DYRK1B: variants seen among roughly 807,000 people sequenced by gnomAD.
DYRK1B encodes the protein dual specificity tyrosine phosphorylation regulated kinase 1B, also known as dual specificity tyrosine-phosphorylation-regulated kinase 1B.
In DYRK1B, 20 loss-of-function variants were observed where a neutral mutation model predicts 57.1. That is an observed-to-expected ratio of 0.35 (90% confidence interval 0.25 to 0.51). The LOEUF (loss-of-function observed/expected upper bound fraction) is 0.51. Among genes scored for constraint, DYRK1B ranks in the 20% least tolerant of loss-of-function variants. The probability of loss-of-function intolerance (pLI) is 0.96; values close to 1 mark genes in which losing one functional copy is unlikely to be tolerated. For missense variants in DYRK1B, 732 were observed against 886.3 expected (o/e 0.83, Z 2.21); for synonymous variants, 409 against 384.7 (o/e 1.06, Z -0.74).
chr19:39,826,903 G>A lies in DYRK1B; in HGVS notation c.1180C>T (p.Pro394Ser). 2 of 1,405,378 alleles carry A rather than the reference G, an allele frequency of 1.4e-6. No individual in the cohort carries two copies. The highest frequency in any genetic ancestry group is 1.5e-5 in the African/African-American group (1 of 65,022). 87.1% of individuals were successfully genotyped at this position (1,405,378 alleles called of 1,614,324 possible). A position where few individuals can be genotyped will look rare whatever the true frequency, so the allele number is the denominator to read the frequency against. ...GGPGGRRAGEPGHSPADYLRF... is the reference protein window; with the variant it reads ...GGPGGRRAGESGHSPADYLRF... ...AGGTAGTCGGCGGGGCTGTGGCCCGGCTCCCCCGCCCGCCGGCCCCCGGGC... is the reference window on the plus strand; with the variant it reads ...AGGTAGTCGGCGGGGCTGTGGCCCGACTCCCCCGCCCGCCGGCCCCCGGGC... Residue 394 changes from proline to serine, a missense_variant, in exon 9 of 11, where the codon CCG becomes TCG. By Grantham distance (74) the Pro-to-Ser change is moderately conservative. Around this residue, in one of 2 missense-constraint regions of DYRK1B, gnomAD observed 510 missense variants for 681.3 expected, o/e 0.75. Coordinates refer to ENST00000323039, the MANE Select transcript of DYRK1B (RefSeq NM_004714.3). This position sits in a 1 kb window ranked among gnomAD's most constrained non-coding sequence, Gnocchi z 6.3.
At chr19:39,832,196 A>C (rs938062094) in intron 1 of DYRK1B, among the ~76,000 whole-genome samples, 3 of 152,128 alleles carry the variant, frequency 2.0e-5, no homozygotes, top group Non-Finnish European at 4.4e-5. Flanking sequence ...TGATTAAGGC[A>C]GCACAAAGAG....
Position 39,828,638 on chromosome 19 carries a change from TG to T in DYRK1B, c.521-56del. ...GAAGAAACGGCTCAGAGAGGGCAGGTGGTGGCCTGGGGTCATACAACGCTCT... is the reference window on the plus strand; with the variant it reads ...GAAGAAACGGCTCAGAGAGGGCAGGTGTGGCCTGGGGTCATACAACGCTCT... On this transcript the variant is annotated intron_variant, in intron 5 of 10. Transcript: ENST00000323039. This position sits in a 1 kb window ranked among gnomAD's most constrained non-coding sequence, Gnocchi z 4.3. The T allele has an allele frequency of 6.5e-7, 1 of 1,547,568 alleles. No individual in the cohort carries two copies. Among genetic ancestry groups the T allele is most frequent in the Non-Finnish European group, 8.8e-7 (1 of 1,138,954 alleles).
chr19:39,825,843 C>T lies in DYRK1B; in HGVS notation c.1762G>A (p.Ala588Thr). 1 of 1,609,038 alleles carries T rather than the reference C, an allele frequency of 6.2e-7. No homozygotes were observed. The highest frequency in any genetic ancestry group is 8.5e-7 in the Non-Finnish European group (1 of 1,178,166). ...ATCCGAGTCCGGAGGGCTGAGGCAG[C>T]CGGGTGCTGGGGGGCAGGCGCTGGG... ...PHPAPAPQHPAASALRTRMTG... is the reference protein window; with the variant it reads ...PHPAPAPQHPTASALRTRMTG... Residue 588 changes from alanine to threonine, a missense_variant, in exon 11 of 11, where the codon GCT becomes ACT. Physicochemically the swap from Ala to Thr is moderately conservative, Grantham distance 58. Around this residue, in one of 2 missense-constraint regions of DYRK1B, gnomAD observed 222 missense variants for 205.0 expected, o/e 1.08. Transcript: ENST00000323039.
At chr19:39,827,222 A>G in intron 8 of DYRK1B, 63 bp downstream of exon 8, 1 of 1,531,042 alleles carries the variant, frequency 6.5e-7, no homozygotes, top group Admixed American at 1.9e-5. Context: ...GCAGGGGGAG[A>G]GAGCCCCAAG....
rs1968495871 is a variant in DYRK1B at position 39,825,745 on chromosome 19, A to G, written c.1860T>C (p.Gly620=). The G allele has an allele frequency of 4.5e-6, 7 of 1,558,572 alleles. No individual in the cohort carries two copies. The highest frequency in any genetic ancestry group is 6.1e-6 in the Non-Finnish European group (7 of 1,152,272). Residue 620 remains glycine, a synonymous_variant, in exon 11 of 11, where the codon GGT becomes GGC. Transcript: ENST00000323039. ...ATLGPHLGLR[G]VPQSTAASS Reference sequence around the variant, plus strand: ...AGCTGGCTGCTGTGCTCTGGGGTACACCACGGAGGCCCAGGTGAGGCCCCA... The same window carrying G: ...AGCTGGCTGCTGTGCTCTGGGGTACGCCACGGAGGCCCAGGTGAGGCCCCA...
At chr19:39,830,170 T>C in intron 4 of DYRK1B, 143 bp from the exon 5 acceptor site, 1 of 1,181,956 alleles carries the variant, frequency 8.5e-7, no homozygotes, top group East Asian at 2.4e-5. Flanking sequence ...CAGGCGCTGG[T>C]GTAAACACTG....
In DYRK1B at chr19:39,827,329, G is replaced by A; in HGVS notation, c.1051C>T (p.Pro351Ser). The change falls in exon 8 of 11, where the codon CCT becomes TCT. Residue 351 changes from proline (P) to serine (S), a missense_variant. Physicochemically the swap from Pro to Ser is moderately conservative, Grantham distance 74. Around this residue, in one of 2 missense-constraint regions of DYRK1B, gnomAD observed 510 missense variants for 681.3 expected, o/e 0.75. Coordinates refer to ENST00000323039, the MANE Select transcript of DYRK1B (RefSeq NM_004714.3). Reference sequence around the variant, plus strand: ...CTTCGTAGGGTCCAGCCACCCCCAGGCAGCCGTTCAAAGTACTTGCGAGCC... The same window carrying A: ...CTTCGTAGGGTCCAGCCACCCCCAGACAGCCGTTCAAAGTACTTGCGAGCC... ...PKARKYFERL[P>S]GGGWTLRRTK... The A allele has an allele frequency of 1.9e-6, 3 of 1,613,680 alleles. No individual in the cohort carries two copies. The highest frequency in any genetic ancestry group is 2.5e-6 in the Non-Finnish European group (3 of 1,179,680).
In DYRK1B at chr19:39,833,457, C is replaced by A. The variant is rs183828952; in HGVS notation, c.-102+566G>T. 2.3e-3 allele frequency: 1,307 copies of A among 566,928 alleles called. 15 individuals are homozygous for A. In the African/African-American group the frequency reaches 0.025, roughly 11 times the overall value. The allele number at this position is 566,928 out of a possible 1,614,324, so 35.1% of individuals were successfully genotyped here. A position where few individuals can be genotyped will look rare whatever the true frequency, so the allele number is the denominator to read the frequency against. On this transcript the variant is annotated intron_variant, in intron 1 of 10. Coordinates refer to ENST00000323039, the MANE Select transcript of DYRK1B (RefSeq NM_004714.3). ...CGGTGGGTGACAACAGCAGCCGCCA[C>A]TGCCACCGGGGGCGGGGAGAGGAGG...
chr19:39,832,605 A>G (rs1237996567), intron 1 of DYRK1B, among the ~76,000 whole-genome samples: 1 of 151,964 alleles, frequency 6.6e-6, no homozygotes, highest in Non-Finnish European at 1.5e-5. Context: ...TCCCAACCAC[A>G]CCAAAGTTAT....
At position 39,826,231 on chromosome 19, in the gene DYRK1B, A is replaced by G. The variant is rs367941890; in HGVS notation, c.1467T>C (p.Tyr489=). 48 of 1,595,864 alleles carry G rather than the reference A, an allele frequency of 3.0e-5. No individual in the cohort carries two copies. The highest frequency in any genetic ancestry group is 3.6e-5 in the Non-Finnish European group (42 of 1,173,906). Residue 489 remains tyrosine (Y), a synonymous_variant, in exon 10 of 11, where the codon TAT becomes TAC. Coordinates refer to ENST00000323039, the MANE Select transcript of DYRK1B (RefSeq NM_004714.3). The surrounding 1 kb of genome is among the most constrained non-coding windows in gnomAD (Gnocchi z 6.3). Reference sequence around the variant, plus strand: ...TGATAGGGGGCCCAGGGCCCCCACAATATCGGTTGCTGTAGCGGTAGGTCC... The same window carrying G: ...TGATAGGGGGCCCAGGGCCCCCACAGTATCGGTTGCTGTAGCGGTAGGTCC... ...DNRTYRYSNR[Y]CGGPGPPITD...
In DYRK1B at chr19:39,826,345, G is replaced by T; in HGVS notation, c.1412-59C>A. On this transcript the variant is annotated intron_variant, in intron 9 of 10. Transcript: ENST00000323039. The surrounding 1 kb of genome is among the most constrained non-coding windows in gnomAD (Gnocchi z 6.3). Reference sequence around the variant, plus strand: ...TAAGGTGAGAGAAGGTGGCGAGTGGGTTTTGGGATGGCTGAGGGAAGGTCA... The same window carrying T: ...TAAGGTGAGAGAAGGTGGCGAGTGGTTTTTGGGATGGCTGAGGGAAGGTCA... 1 of 1,392,602 alleles carries T rather than the reference G, an allele frequency of 7.2e-7. No individual in the cohort carries two copies. The highest frequency in any genetic ancestry group is 9.7e-7 in the Non-Finnish European group (1 of 1,029,634). The allele number at this position is 1,392,602 out of a possible 1,614,324, so 86.3% of individuals were successfully genotyped here.
chr19:39,826,444 T>C lies in DYRK1B; in HGVS notation c.1412-158A>G, dbSNP rs1189180155. On this transcript the variant is annotated intron_variant, in intron 9 of 10. Transcript: ENST00000323039. This position sits in a 1 kb window ranked among gnomAD's most constrained non-coding sequence, Gnocchi z 6.3. ...CCGGGCCCAATTCTGAGATTCTGGG[T>C]TGGAATTCAGTTTTGGGTTTTAGAG... is the stretch of plus-strand genomic sequence containing the variant. 2.0e-5 allele frequency among the ~76,000 whole-genome samples: 3 copies of C among 152,040 alleles called. No individual in the cohort carries two copies. The highest frequency in any genetic ancestry group is 4.4e-5 in the Non-Finnish European group (3 of 67,980).
Position 39,829,946 on chromosome 19 carries a change from C to A in DYRK1B, c.454G>T (p.Ala152Ser). 1 of 1,614,130 alleles carries A rather than the reference C, an allele frequency of 6.2e-7. No individual in the cohort carries two copies. The highest frequency in any genetic ancestry group is 8.5e-7 in the Non-Finnish European group (1 of 1,180,026). The part of the protein sequence containing the change: ...IKNKKAFLNQ[A>S]QIELRLLELM... ...TCCAGCAGCCGCAGCTCAATCTGGG[C>A]CTGGTTCAGGAAAGCCTTTTTGTTC... is the stretch of plus-strand genomic sequence containing the variant. Residue 152 changes from alanine (A) to serine (S), a missense_variant, in exon 5 of 11, where the codon GCC becomes TCC. Coordinates refer to ENST00000323039, the MANE Select transcript of DYRK1B (RefSeq NM_004714.3).
Position 39,831,853 on chromosome 19 carries a change from C to T in DYRK1B, c.15G>A (p.Pro5=), listed in dbSNP as rs182863590. 1.2e-5 allele frequency: 19 copies of T among 1,525,064 alleles called. No homozygotes were observed. In the East Asian group the frequency reaches 2.0e-4, roughly 16 times the overall value. 94.5% of individuals were successfully genotyped at this position (1,525,064 alleles called of 1,614,324 possible). A position where few individuals can be genotyped will look rare whatever the true frequency, so the allele number is the denominator to read the frequency against. The change falls in exon 2 of 11, where the codon CCG becomes CCA. Residue 5 remains proline, a synonymous_variant. Transcript: ENST00000323039. ...GGAAGCCAGAGAAGGGACCATGGCC[C>T]GGTGGGACGGCCATGGTGGGCTCAG... is the stretch of plus-strand genomic sequence containing the variant. MAVP[P]GHGPFSGFPG... is the part of the protein sequence containing the mutation.
chr19:39,826,346 T>C lies in DYRK1B; in HGVS notation c.1412-60A>G. The C allele has an allele frequency of 1.4e-6, 2 of 1,388,372 alleles. 1 individual carries two copies. Among genetic ancestry groups the C allele is most frequent in the Middle Eastern group, 3.8e-4 (2 of 5,300 alleles). 86.0% of individuals were successfully genotyped at this position (1,388,372 alleles called of 1,614,324 possible). On this transcript the variant is annotated intron_variant, in intron 9 of 10. Transcript: ENST00000323039. The surrounding 1 kb of genome is among the most constrained non-coding windows in gnomAD (Gnocchi z 6.3). ...AAGGTGAGAGAAGGTGGCGAGTGGG[T>C]TTTGGGATGGCTGAGGGAAGGTCAC... is the stretch of plus-strand genomic sequence containing the variant.
rs1055011741 is a variant in DYRK1B, at chr19:39,832,867, G to C, written c.-101-899C>G. 4 of 963,130 alleles carry C rather than the reference G, an allele frequency of 4.2e-6. No individual in the cohort carries two copies. In the African/African-American group the frequency reaches 7.0e-5, roughly 17 times the overall value. The allele number at this position is 963,130 out of a possible 1,614,324, so 59.7% of individuals were successfully genotyped here. A position where few individuals can be genotyped will look rare whatever the true frequency, so the allele number is the denominator to read the frequency against. Reference sequence around the variant, plus strand: ...CCCACTCCTCCTGATGGGAGAAGGAGGAGGTGTCTCTTCCCACAGTTTAGA... The same window carrying C: ...CCCACTCCTCCTGATGGGAGAAGGACGAGGTGTCTCTTCCCACAGTTTAGA... On this transcript the variant is annotated intron_variant, in intron 1 of 10. Transcript: ENST00000323039.
chr19:39,833,329 G>A, intron 1 of DYRK1B: 2 of 985,608 alleles, frequency 2.0e-6, no homozygotes, highest in East Asian at 1.1e-4. Flanking sequence ...CCAGTGGGGT[G>A]GGCGAGCGGC....
In DYRK1B at chr19:39,827,360, C is replaced by T. The variant is rs749735465; in HGVS notation, c.1020G>A (p.Ala340=). The change falls in exon 8 of 11, where the codon GCG becomes GCA. Residue 340 remains alanine, a synonymous_variant. Transcript: ENST00000323039. Reference sequence around the variant, plus strand: ...GTTCAAAGTACTTGCGAGCCTTGGGCGCCTGGTCCAGCATGGCGGCCGGTG... The same window carrying T: ...GTTCAAAGTACTTGCGAGCCTTGGGTGCCTGGTCCAGCATGGCGGCCGGTG... ...GIPPAAMLDQ[A]PKARKYFERL... 1.4e-5 allele frequency: 23 copies of T among 1,613,826 alleles called. No homozygotes were observed. The highest frequency in any genetic ancestry group is 3.3e-5 in the South Asian group (3 of 91,080).
rs1968513440 is a variant in DYRK1B, at chr19:39,825,968, G to A, written c.1637C>T (p.Pro546Leu). The change falls in exon 11 of 11, where the codon CCC becomes CTC. Residue 546 changes from proline (P) to leucine (L), a missense_variant. Coordinates refer to ENST00000323039, the MANE Select transcript of DYRK1B (RefSeq NM_004714.3). ...PGTGAQLPPQ[P>L]RYLGRPPSPT... is the part of the protein sequence containing the mutation. ...TGATGGGGGACGACCAAGGTATCGG[G>A]GCTGGGGGGGTAACTGGGCCCCGGT... The A allele has an allele frequency of 3.3e-6, 5 of 1,528,682 alleles. No homozygotes were observed. The highest frequency in any genetic ancestry group is 8.8e-7 in the Non-Finnish European group (1 of 1,141,084). 94.7% of individuals were successfully genotyped at this position (1,528,682 alleles called of 1,614,324 possible).
Sources: allele counts gnomAD v4.1 joint callset (sites outside exome capture counted in the v4.1 genomes callset), GRCh38; gene constraint gnomAD v4.1.1; regional missense constraint gnomAD v4.1.1; non-coding constraint Gnocchi (gnomAD v3.1); transcripts MANE v1.5; gene names NCBI Gene and HGNC (gene_info 2026-07-23, HGNC 2026-07-21).